Variants in DLG1 observed in about 807,000 individuals in gnomAD.
DLG1 encodes the protein discs large MAGUK scaffold protein 1, also known as disks large homolog 1.
In DLG1, 42 loss-of-function variants were observed where a neutral mutation model predicts 123.4. That is an observed-to-expected ratio of 0.34 (90% CI 0.27 to 0.44). The LOEUF is 0.44. DLG1 is among the 20% of genes least tolerant of loss of function. The probability of loss-of-function intolerance (pLI) is 1.00; values close to 1 mark genes in which losing one functional copy is unlikely to be tolerated. For missense variants in DLG1, 942 were observed against 1,082.6 expected (o/e 0.87, Z 1.82); for synonymous variants, 317 against 356.2 (o/e 0.89, Z 1.24).
At chr3:197,051,820 G>T in intron 23 of DLG1, 152 bp from the exon 24 acceptor site, 2 of 513,550 alleles carry the variant, frequency 3.9e-6, no homozygotes, top group Non-Finnish European at 6.7e-6. Context: ...AGTCATTCTG[G>T]TCATTTCTGG....
intron 6 of DLG1, among the ~76,000 whole-genome samples, chr3:197,143,583 C>T (rs188303048): frequency 6.6e-6 from 1 of 152,250 alleles, no homozygotes; most frequent in East Asian, 1.9e-4. Flanking sequence ...AAGCCCATAA[C>T]ATACTTCCTC....
intron 4 of DLG1, among the ~76,000 whole-genome samples, chr3:197,195,195 T>C (rs1721810324): frequency 6.6e-6 from 1 of 150,634 alleles, no homozygotes; most frequent in African/African-American, 2.4e-5. Flanking sequence ...CACCCTCGAA[T>C]AAACCTACTC....
At chr3:197,241,765 G>T (rs776011640) in intron 4 of DLG1, among the ~76,000 whole-genome samples, 5 of 152,114 alleles carry the variant, frequency 3.3e-5, no homozygotes, top group Non-Finnish European at 5.9e-5. Context: ...TCTAAGATAA[G>T]TTGTCAACTC....
chr3:197,250,140 A>G (rs1489860304), intron 4 of DLG1, among the ~76,000 whole-genome samples: 1 of 152,236 alleles, frequency 6.6e-6, no homozygotes, highest in African/African-American at 2.4e-5. Context: ...GCATGATCTC[A>G]TACCTAGAAA....
At chr3:197,125,876 A>G (rs1349655545) in intron 11 of DLG1, among the ~76,000 whole-genome samples, 1 of 152,218 alleles carries the variant, frequency 6.6e-6, no homozygotes, top group Non-Finnish European at 1.5e-5. Flanking sequence ...AGAGAACACC[A>G]GATCACCACA....
At chr3:197,053,405 G>C (rs1484925724) in intron 23 of DLG1, among the ~76,000 whole-genome samples, 1 of 151,906 alleles carries the variant, frequency 6.6e-6, no homozygotes, top group Non-Finnish European at 1.5e-5. Flanking sequence ...AGGATTCTTT[G>C]TTGACAGTTA....
chr3:197,139,009 G>C (rs1403178432), intron 8 of DLG1, among the ~76,000 whole-genome samples: 1 of 152,134 alleles, frequency 6.6e-6, no homozygotes, highest in Non-Finnish European at 1.5e-5. Flanking sequence ...CTATATATTA[G>C]ACATAAAACA....
chr3:197,289,341 TACACACAC>T (rs56319334), intron 3 of DLG1, among the ~76,000 whole-genome samples: 15 of 150,398 alleles, frequency 1.0e-4, no homozygotes, highest in African/African-American at 2.7e-4. Flanking sequence ...TACACGCGCA[TACACACAC>T]ACACACACAC....
intron 4 of DLG1, 72 bp from the exon 5 acceptor site, chr3:197,194,661 C>T (rs1262118029): frequency 1.9e-6 from 2 of 1,048,134 alleles, no homozygotes; most frequent in African/African-American, 1.7e-5. Context: ...GTTTTCATAA[C>T]TAGCCAAATA....
intron 5 of DLG1, among the ~76,000 whole-genome samples, chr3:197,188,354 T>A (rs1717325041): frequency 6.6e-6 from 1 of 152,194 alleles, no homozygotes. Flanking sequence ...AATTTCTCCC[T>A]CTTTCATGTC....
intron 17 of DLG1, chr3:197,080,385 C>T (rs1276435456): frequency 7.4e-6 from 1 of 135,222 alleles, no homozygotes; most frequent in African/African-American, 2.8e-5. Flanking sequence ...CTTAAGCAAT[C>T]CTTTCACTTT....
chr3:197,121,332 C>T (rs537890033), intron 11 of DLG1, among the ~76,000 whole-genome samples: 9 of 152,172 alleles, frequency 5.9e-5, no homozygotes, highest in Admixed American at 6.5e-5. Context: ...CAGAGAAGCA[C>T]AAGAGTGCCT....
At chr3:197,208,175 G>A (rs1286627016) in intron 4 of DLG1, among the ~76,000 whole-genome samples, 2 of 146,032 alleles carry the variant, frequency 1.4e-5, no homozygotes, top group Non-Finnish European at 3.1e-5. Context: ...ACTCCCAAGA[G>A]GATAAATGTA....
intron 1 of DLG1, 69 bp downstream of exon 1, chr3:197,298,467 G>A: frequency 1.3e-5 from 5 of 398,816 alleles, no homozygotes; most frequent in Non-Finnish European, 1.8e-5. Flanking sequence ...AAACGCGCCA[G>A]GCCGGGAAGG....
intron 11 of DLG1, among the ~76,000 whole-genome samples, chr3:197,120,433 G>A (rs973645454): frequency 1.6e-4 from 25 of 152,284 alleles, no homozygotes; most frequent in African/African-American, 5.8e-4. Flanking sequence ...CATGGCAGCT[G>A]TAGCTTACAA....
In DLG1 at chr3:197,218,551, CTAT is replaced by C. The variant is rs1422806906; in HGVS notation, c.319-23965_319-23963del. 2.0e-5 allele frequency among the ~76,000 whole-genome samples: 3 copies of C among 152,190 alleles called. No individual in the cohort carries two copies. The East Asian group carries it at 5.8e-4, about 29-fold the overall frequency. ...CAACTGCTTCATTCCTTAAAACGTACTATCAAACAAGTTATTATTTTCTACTTC... is the reference window on the plus strand; with the variant it reads ...CAACTGCTTCATTCCTTAAAACGTACCAAACAAGTTATTATTTTCTACTTC... On this transcript the variant is annotated intron_variant, in intron 4 of 24. Coordinates refer to ENST00000667157, the MANE Select transcript of DLG1 (RefSeq NM_001366207.1).
rs536307428 is a variant in DLG1, at chr3:197,078,537, G to C, written c.1906-1852C>G. On this transcript the variant is annotated intron_variant, in intron 17 of 24. Coordinates refer to ENST00000667157, the MANE Select transcript of DLG1 (RefSeq NM_001366207.1). ...AAAGTTTGAAGGCTCTGAGGAACTAGATAAAAGAGAACTCTAAGTAGAAGT... is the reference window on the plus strand; with the variant it reads ...AAAGTTTGAAGGCTCTGAGGAACTACATAAAAGAGAACTCTAAGTAGAAGT... The C allele has an allele frequency of 5.9e-5, 9 of 152,230 alleles. No individual in the cohort carries two copies. The East Asian group carries it at 1.3e-3, about 23-fold the overall frequency. 9.4% of individuals were successfully genotyped at this position (152,230 alleles called of 1,614,324 possible).
At chr3:197,269,682 A>C (rs1435610353) in intron 4 of DLG1, among the ~76,000 whole-genome samples, 1 of 152,190 alleles carries the variant, frequency 6.6e-6, no homozygotes, top group Non-Finnish European at 1.5e-5. Context: ...AACACAGTAT[A>C]AGCTCCACGT....
At chr3:197,126,119 A>AG (rs1778950019) in intron 11 of DLG1, among the ~76,000 whole-genome samples, 1 of 152,332 alleles carries the variant, frequency 6.6e-6, no homozygotes, top group Admixed American at 6.5e-5. Context: ...TCAAGTTGAA[A>AG]CTGCAAGGTG....
Sources: allele counts gnomAD v4.1 joint callset (sites outside exome capture counted in the v4.1 genomes callset), GRCh38; gene constraint gnomAD v4.1.1; transcripts MANE v1.5; gene names NCBI Gene and HGNC (gene_info 2026-07-23, HGNC 2026-07-21).